LARGE1: variants seen among roughly 807,000 people sequenced by gnomAD.
The protein encoded by LARGE1 is LARGE xylosyl- and glucuronyltransferase 1, also known as xylosyl- and glucuronyltransferase LARGE1.
In LARGE1, 43 loss-of-function variants were observed where a neutral mutation model predicts 87.6. That is an observed-to-expected ratio of 0.49 (90% CI 0.38 to 0.63). The LOEUF (loss-of-function observed/expected upper bound fraction) is 0.63, where lower values mean the gene tolerates loss of function less well. Ranked by LOEUF, LARGE1 falls within the 30% of genes least tolerant of loss-of-function variation. LARGE1 has a pLI of 0.00. For missense variants in LARGE1, 802 were observed against 1,000.2 expected (o/e 0.80, Z 2.67); for synonymous variants, 434 against 394.6 (o/e 1.10, Z -1.18).
At chr22:33,508,691 G>A (rs922906705) in intron 6 of LARGE1, among the ~76,000 whole-genome samples, 30 of 152,232 alleles carry the variant, frequency 2.0e-4, no homozygotes, top group African/African-American at 7.2e-4. Flanking sequence ...AAGGTTGATT[G>A]GCAACTTTAA....
At chr22:33,548,360 C>A (rs776646564) in intron 6 of LARGE1, among the ~76,000 whole-genome samples, 1 of 152,190 alleles carries the variant, frequency 6.6e-6, no homozygotes, top group Non-Finnish European at 1.5e-5. Context: ...GTACAGCCTG[C>A]AGAACTGTGA....
chr22:33,192,032 A>C (rs986715048), intron 11 of LARGE1, among the ~76,000 whole-genome samples: 1 of 152,128 alleles, frequency 6.6e-6, no homozygotes, highest in African/African-American at 2.4e-5. Flanking sequence ...TATACTTCTT[A>C]TTTTCCAACC....
chr22:33,440,003 C>CCT (rs1047929460), intron 6 of LARGE1, among the ~76,000 whole-genome samples: 22 of 151,882 alleles, frequency 1.4e-4, no homozygotes, highest in Non-Finnish European at 2.5e-4. Context: ...ATGCTCTCCT[C>CCT]CTCTCTCTCT....
At chr22:33,631,550 C>T (rs1364174445) in intron 3 of LARGE1, among the ~76,000 whole-genome samples, 1 of 152,168 alleles carries the variant, frequency 6.6e-6, no homozygotes, top group Non-Finnish European at 1.5e-5. Flanking sequence ...TCACTGTCTT[C>T]CACCTCCTTA....
intron 1 of LARGE1, among the ~76,000 whole-genome samples, chr22:33,784,792 TA>T (rs975845064): frequency 1.3e-5 from 2 of 151,884 alleles, no homozygotes; most frequent in Non-Finnish European, 2.9e-5. Flanking sequence ...TACCATATAG[TA>T]TACATACACA....
At position 33,323,712 on chromosome 22, in the gene LARGE1, T is replaced by C. The variant is rs553002006; in HGVS notation, c.1288-7464A>G. 7.2e-5 allele frequency among the ~76,000 whole-genome samples: 11 copies of C among 152,362 alleles called. No homozygotes were observed. In the East Asian group the frequency reaches 1.9e-3, roughly 27 times the overall value. ...ATTTTCTGAGTGGTGGATTCACAGATGAATTTTATTGGCTTCTTAAACTTT... is the reference window on the plus strand; with the variant it reads ...ATTTTCTGAGTGGTGGATTCACAGACGAATTTTATTGGCTTCTTAAACTTT... On this transcript the variant is annotated intron_variant, in intron 10 of 14. Transcript: ENST00000397394.
At chr22:33,131,947 A>G in the LARGE1 span, among the ~76,000 whole-genome samples, 1 of 152,132 alleles carries the variant, frequency 6.6e-6, no homozygotes, top group East Asian at 1.9e-4. Flanking sequence ...AGAAAGTCAC[A>G]TCTTACATGG....
chr22:33,306,157 T>C (rs1176158386), intron 11 of LARGE1, among the ~76,000 whole-genome samples: 1 of 152,118 alleles, frequency 6.6e-6, no homozygotes, highest in African/African-American at 2.4e-5. Flanking sequence ...CAGAGCCATT[T>C]CTTAAAAAGG....
chr22:33,392,488 G>A (rs2065566942), intron 7 of LARGE1, among the ~76,000 whole-genome samples: 1 of 152,122 alleles, frequency 6.6e-6, no homozygotes, highest in African/African-American at 2.4e-5. Context: ...GCAAAACCCT[G>A]TCTCTACTAA....
chr22:33,873,638 C>T (rs998546680), intron 1 of LARGE1, among the ~76,000 whole-genome samples: 7 of 152,174 alleles, frequency 4.6e-5, no homozygotes, highest in African/African-American at 1.7e-4. Context: ...GGTCCAACAA[C>T]GTGCCTCTGT....
At chr22:33,570,043 T>C (rs1048562518) in intron 5 of LARGE1, among the ~76,000 whole-genome samples, 1 of 152,232 alleles carries the variant, frequency 6.6e-6, no homozygotes, top group Non-Finnish European at 1.5e-5. Context: ...GCATAGTTTG[T>C]TGAGCCCTGA....
chr22:33,740,658 G>C (rs564860012), intron 2 of LARGE1, among the ~76,000 whole-genome samples: 30 of 152,212 alleles, frequency 2.0e-4, no homozygotes, highest in African/African-American at 7.0e-4. Flanking sequence ...GGCATAAATG[G>C]AGGCACCAAA....
chr22:33,239,956 T>C (rs541432783), intron 11 of LARGE1, among the ~76,000 whole-genome samples: 1 of 152,296 alleles, frequency 6.6e-6, no homozygotes, highest in South Asian at 2.1e-4. Flanking sequence ...CGTGGGAGAA[T>C]ATATATTTGC....
chr22:33,340,348 T>G (rs1416592335), intron 9 of LARGE1, among the ~76,000 whole-genome samples: 1 of 151,748 alleles, frequency 6.6e-6, no homozygotes. Context: ...TCAGATGGCC[T>G]CTCACAGTTG....
intron 11 of LARGE1, among the ~76,000 whole-genome samples, chr22:33,251,113 T>G (rs948795564): frequency 6.6e-6 from 1 of 152,202 alleles, no homozygotes; most frequent in Non-Finnish European, 1.5e-5. Context: ...ATCTTATCTC[T>G]TACTGTGCTC....
chr22:33,888,693 T>C (rs926033542), intron 1 of LARGE1, among the ~76,000 whole-genome samples: 1 of 151,156 alleles, frequency 6.6e-6, no homozygotes, highest in African/African-American at 2.4e-5. Flanking sequence ...CCATCTCTAC[T>C]AAAAATACAA....
chr22:33,407,413 A>T (rs2066141245), intron 7 of LARGE1, among the ~76,000 whole-genome samples: 1 of 152,226 alleles, frequency 6.6e-6, no homozygotes, highest in Non-Finnish European at 1.5e-5. Context: ...TATTAGTCTC[A>T]TTCCCTTTCC....
intron 2 of LARGE1, among the ~76,000 whole-genome samples, chr22:33,713,010 C>G (rs939500246): frequency 2.0e-5 from 3 of 152,086 alleles, no homozygotes; most frequent in Admixed American, 6.5e-5. Flanking sequence ...AAAAATTGCC[C>G]CTTTATGGGA....
At chr22:33,407,631 A>G (rs1292008386) in intron 7 of LARGE1, among the ~76,000 whole-genome samples, 1 of 152,168 alleles carries the variant, frequency 6.6e-6, no homozygotes, top group Non-Finnish European at 1.5e-5. Context: ...CAGCCTATTA[A>G]GAACATGTTA....
Sources: allele counts gnomAD v4.1 joint callset (sites outside exome capture counted in the v4.1 genomes callset), GRCh38; gene constraint gnomAD v4.1.1; transcripts MANE v1.5; gene names NCBI Gene and HGNC (gene_info 2026-07-23, HGNC 2026-07-21).